TMEM74: variants seen among roughly 807,000 people sequenced by gnomAD.
The protein encoded by TMEM74 is transmembrane protein 74.
In TMEM74, 13 loss-of-function variants were observed where a neutral mutation model predicts 18.1. The ratio of observed to expected loss-of-function variants is 0.72; its 90% confidence interval spans 0.47 to 1.14. The LOEUF (loss-of-function observed/expected upper bound fraction) is 1.14. Ranked by LOEUF, TMEM74 falls within the 50% of genes most tolerant of loss-of-function variation. TMEM74 has a pLI of 0.00. For missense variants in TMEM74, 372 were observed against 375.9 expected, an observed-to-expected ratio of 0.99 and a Z score of 0.09; for synonymous variants, 159 against 146.6, an observed-to-expected ratio of 1.08 and a Z score of -0.61.
chr8:108,653,468 C>CT (rs1176476352), intron 2 of TMEM74, among the ~76,000 whole-genome samples: 4 of 152,050 alleles, frequency 2.6e-5, no homozygotes, highest in South Asian at 2.1e-4. Flanking sequence ...ATTTTGTACT[C>CT]TTTTTTATCT....
intron 2 of TMEM74, among the ~76,000 whole-genome samples, chr8:108,622,191 T>C (rs1812446867): frequency 6.6e-6 from 1 of 152,094 alleles, no homozygotes; most frequent in Non-Finnish European, 1.5e-5. Context: ...CTAGGTACCC[T>C]CAGAACTTCA....
chr8:108,698,972 C>G (rs1169017120), intron 1 of TMEM74, among the ~76,000 whole-genome samples: 3 of 152,248 alleles, frequency 2.0e-5, no homozygotes. Flanking sequence ...GCTGACCAGA[C>G]AGCAGTTAAC....
intron 2 of TMEM74, among the ~76,000 whole-genome samples, chr8:108,618,115 C>T (rs993762951): frequency 6.6e-6 from 1 of 152,152 alleles, no homozygotes; most frequent in African/African-American, 2.4e-5. Flanking sequence ...CCCTCACTGC[C>T]TCTCTCACAG....
At chr8:108,618,307 C>T (rs531676654) in intron 2 of TMEM74, among the ~76,000 whole-genome samples, 1 of 152,212 alleles carries the variant, frequency 6.6e-6, no homozygotes, top group African/African-American at 2.4e-5. Context: ...GGGATTCTGA[C>T]CAGTTCCTAG....
At chr8:108,642,896 T>C (rs899796095) in intron 2 of TMEM74, among the ~76,000 whole-genome samples, 1 of 152,196 alleles carries the variant, frequency 6.6e-6, no homozygotes. Flanking sequence ...CTCTGAATGA[T>C]AATCTGGTAA....
intron 1 of TMEM74, among the ~76,000 whole-genome samples, chr8:108,762,130 A>G (rs1015541454): frequency 2.0e-5 from 3 of 152,178 alleles, no homozygotes; most frequent in Non-Finnish European, 4.4e-5. Flanking sequence ...GGCAGAAACA[A>G]CTGTGCTTCA....
At position 108,639,904 on chromosome 8, in the gene TMEM74, G is replaced by A. The variant is rs190657039; in HGVS notation, n.264+15389C>T. Reference sequence around the variant, plus strand: ...CCAAATGCATGTGGGGTTTTTGTGGGTATGTATGCACTAATTTAAAATAAT... The same window carrying A: ...CCAAATGCATGTGGGGTTTTTGTGGATATGTATGCACTAATTTAAAATAAT... On this transcript the variant is annotated intron_variant and non_coding_transcript_variant, in intron 2 of 3. Transcript: ENST00000518838. Among the ~76,000 whole-genome samples the A allele has an allele frequency of 1.6e-3, 246 of 152,044 alleles. 3 individuals carry two copies. The highest frequency in any genetic ancestry group is 7.5e-3 in the South Asian group (36 of 4,812).
chr8:108,662,454 T>A (rs1002551125), intron 1 of TMEM74, among the ~76,000 whole-genome samples: 1 of 151,530 alleles, frequency 6.6e-6, no homozygotes, highest in Non-Finnish European at 1.5e-5. Flanking sequence ...AGGGAGTTGC[T>A]CTTATTGAGG....
chr8:108,717,783 T>C (rs984514574), intron 1 of TMEM74, among the ~76,000 whole-genome samples: 3 of 151,892 alleles, frequency 2.0e-5, no homozygotes, highest in African/African-American at 7.3e-5. Context: ...GCTTAAGGAA[T>C]AGCAGGAGGT....
chr8:108,673,803 T>C (rs996473002), intron 1 of TMEM74, among the ~76,000 whole-genome samples: 1 of 152,206 alleles, frequency 6.6e-6, no homozygotes, highest in Non-Finnish European at 1.5e-5. Flanking sequence ...GATATTATTG[T>C]CTTTGTCATT....
rs750134295 is a variant in TMEM74, at chr8:108,784,253, C to T, written c.846G>A (p.Met282Ile). The T allele has an allele frequency of 6.2e-7, 1 of 1,614,178 alleles. No individual in the cohort carries two copies. The highest frequency in any genetic ancestry group is 8.5e-7 in the Non-Finnish European group (1 of 1,180,044). The change falls in exon 2 of 2, where the codon ATG (methionine) becomes ATA (isoleucine). Residue 282 changes from methionine to isoleucine, a missense_variant. Coordinates refer to ENST00000297459, the MANE Select transcript of TMEM74 (RefSeq NM_153015.3). ...GAGTGTTTTCATTCGTGCTGGTTTT[C>T]ATCCTGAAGTTGAAAGAACCATAGA... ...AKLYGSFNFR[M>I]KTSTNENTLE...
chr8:108,675,295 C>T (rs1281213096), intron 1 of TMEM74, among the ~76,000 whole-genome samples: 1 of 152,074 alleles, frequency 6.6e-6, no homozygotes, highest in Non-Finnish European at 1.5e-5. Context: ...TTCTGGGAGA[C>T]CTGAAACTAA....
chr8:108,683,267 C>A (rs1355754623), intron 1 of TMEM74, among the ~76,000 whole-genome samples: 1 of 151,558 alleles, frequency 6.6e-6, no homozygotes, highest in African/African-American at 2.4e-5. Context: ...TGTTGAAAAA[C>A]TTTAAAATTA....
At chr8:108,708,405 A>G (rs746202871) in intron 1 of TMEM74, among the ~76,000 whole-genome samples, 1 of 152,104 alleles carries the variant, frequency 6.6e-6, no homozygotes, top group Non-Finnish European at 1.5e-5. Flanking sequence ...ATATCCCATA[A>G]TGGGATTTCT....
At chr8:108,709,770 G>A (rs1813456801) in intron 1 of TMEM74, among the ~76,000 whole-genome samples, 1 of 152,148 alleles carries the variant, frequency 6.6e-6, no homozygotes, top group African/African-American at 2.4e-5. Context: ...TGAGGTGTTG[G>A]ACATGTCTAT....
chr8:108,730,657 G>A (rs1407205974), intron 1 of TMEM74, among the ~76,000 whole-genome samples: 3 of 128,522 alleles, frequency 2.3e-5, no homozygotes, highest in African/African-American at 3.6e-5. Context: ...TTTTTGTGAC[G>A]GAGGCTCACT....
At chr8:108,691,272 C>T (rs140837059) in intron 1 of TMEM74, among the ~76,000 whole-genome samples, 10 of 152,244 alleles carry the variant, frequency 6.6e-5, no homozygotes, top group African/African-American at 2.4e-4. Flanking sequence ...GGAACCTGCC[C>T]CGTATGATGA....
At chr8:108,750,147 A>C (rs1487875379) in intron 1 of TMEM74, among the ~76,000 whole-genome samples, 2 of 152,144 alleles carry the variant, frequency 1.3e-5, no homozygotes, top group Non-Finnish European at 2.9e-5. Context: ...AAACTTTGAA[A>C]ATCCAGGTCT....
At chr8:108,684,193 T>C (rs1162945937) in intron 1 of TMEM74, among the ~76,000 whole-genome samples, 1 of 152,090 alleles carries the variant, frequency 6.6e-6, no homozygotes, top group Non-Finnish European at 1.5e-5. Flanking sequence ...GTCCTTATAG[T>C]GGCTGCACTA....
Sources: allele counts gnomAD v4.1 joint callset (sites outside exome capture counted in the v4.1 genomes callset), GRCh38; gene constraint gnomAD v4.1.1; transcripts MANE v1.5; gene names NCBI Gene and HGNC (gene_info 2026-07-23, HGNC 2026-07-21).